The following RTL4 variants were observed in gnomAD, a reference collection of about 807,000 sequenced individuals.
The protein encoded by RTL4 is retrotransposon Gag like 4, also known as retrotransposon Gag-like protein 4.
A neutral mutation model predicts 5.3 loss-of-function variants in RTL4; 4 were observed. The ratio of observed to expected loss-of-function variants is 0.75; its 90% CI spans 0.37 to 1.72. The LOEUF is 1.72. Ranked by LOEUF, RTL4 falls within the 40% of genes most tolerant of loss-of-function variation. The pLI is 0.04. For synonymous variants in RTL4, 98 were observed against 87.3 expected (o/e 1.12, Z -0.68); for missense variants, 260 against 227.1 (o/e 1.14, Z -0.93).
At chrX:112,251,909 T>C in the RTL4 span, among the ~76,000 whole-genome samples, 11 of 111,982 alleles carry the variant, frequency 9.8e-5, no homozygotes, top group Admixed American at 1.0e-3. Context: ...TTGATGGCGT[T>C]GTAGCCATTC....
At chrX:112,283,127 T>C in the RTL4 span, among the ~76,000 whole-genome samples, 1 of 111,661 alleles carries the variant, frequency 9.0e-6, no homozygotes, top group African/African-American at 3.3e-5. Context: ...AAATCTGTTT[T>C]GGGTCCTAGA....
At chrX:112,092,745 T>A in the RTL4 span, among the ~76,000 whole-genome samples, 15 of 110,840 alleles carry the variant, frequency 1.4e-4, no homozygotes, top group South Asian at 3.9e-4. Flanking sequence ...TCTCATGAGA[T>A]CTGATGGTTT....
chrX:112,406,422 G>A, the RTL4 span, among the ~76,000 whole-genome samples: 2 of 110,575 alleles, frequency 1.8e-5, no homozygotes, highest in East Asian at 2.9e-4. Context: ...AAGAGAGAGC[G>A]AGGGGAGAGG....
At chrX:112,389,337 A>C in the RTL4 span, among the ~76,000 whole-genome samples, 1 of 109,353 alleles carries the variant, frequency 9.1e-6, no homozygotes, top group Non-Finnish European at 1.9e-5. Context: ...TTTCTCAAAA[A>C]AAAAAAAAAC....
chrX:112,323,159 T>C, the RTL4 span, among the ~76,000 whole-genome samples: 1 of 112,365 alleles, frequency 8.9e-6, no homozygotes, highest in East Asian at 2.8e-4. Flanking sequence ...CAGCAATGTA[T>C]GGGTGTTATT....
the RTL4 span, among the ~76,000 whole-genome samples, chrX:112,175,453 A>G: frequency 9.1e-6 from 1 of 110,300 alleles, no homozygotes; most frequent in Non-Finnish European, 1.9e-5. Flanking sequence ...CTGTGTTTGT[A>G]CCAGTACCAT....
At chrX:112,093,524 C>T in the RTL4 span, among the ~76,000 whole-genome samples, 2 of 111,541 alleles carry the variant, frequency 1.8e-5, no homozygotes, top group Non-Finnish European at 3.8e-5. Flanking sequence ...TTCTTCCTTC[C>T]CCAAATATTT....
the RTL4 span, among the ~76,000 whole-genome samples, chrX:112,229,514 T>A: frequency 8.9e-6 from 1 of 111,828 alleles, no homozygotes; most frequent in African/African-American, 3.2e-5. Flanking sequence ...GTGATAAGGA[T>A]TTTGCCGTAT....
At chrX:112,212,169 G>A in the RTL4 span, among the ~76,000 whole-genome samples, 1 of 111,917 alleles carries the variant, frequency 8.9e-6, no homozygotes, top group African/African-American at 3.2e-5. Flanking sequence ...GAGGTCGGGA[G>A]ATCAAGACCA....
chrX:112,305,716 A>T, the RTL4 span, among the ~76,000 whole-genome samples: 1 of 112,236 alleles, frequency 8.9e-6, no homozygotes, highest in Admixed American at 9.5e-5. Context: ...ACAGCTCAGC[A>T]GGAAGAGAAG....
the RTL4 span, among the ~76,000 whole-genome samples, chrX:112,293,313 A>G: frequency 1.8e-5 from 2 of 112,325 alleles, no homozygotes; most frequent in African/African-American, 6.5e-5. Context: ...CACTCATTCC[A>G]TTAATAGACA....
the RTL4 span, among the ~76,000 whole-genome samples, chrX:112,308,522 G>T: frequency 9.0e-6 from 1 of 111,424 alleles, no homozygotes; most frequent in Non-Finnish European, 1.9e-5. Context: ...TAAAAGGATG[G>T]TAGTCAGGGA....
the RTL4 span, among the ~76,000 whole-genome samples, chrX:112,397,047 C>T: frequency 9.0e-6 from 1 of 111,632 alleles, no homozygotes; most frequent in Non-Finnish European, 1.9e-5. Context: ...GTTATTCTAC[C>T]ACCTCTACTC....
upstream of RTL4, among the ~76,000 whole-genome samples, chrX:112,452,645 T>C (rs1447822147): frequency 1.8e-5 from 2 of 111,600 alleles, no homozygotes; most frequent in Non-Finnish European, 3.8e-5. Context: ...TTCATCTACA[T>C]TGGAAATATT....
the RTL4 span, among the ~76,000 whole-genome samples, chrX:112,315,397 C>T: frequency 9.0e-5 from 10 of 111,225 alleles, no homozygotes; most frequent in Middle Eastern, 4.6e-3. Flanking sequence ...ACCTCCCCCA[C>T]GCTACTCCCA....
chrX:112,347,414 G>C, the RTL4 span, among the ~76,000 whole-genome samples: 1 of 111,431 alleles, frequency 9.0e-6, no homozygotes, highest in Non-Finnish European at 1.9e-5. Flanking sequence ...GTTTTGAAAG[G>C]ATAAGAATGG....
At chrX:112,138,773 G>A in the RTL4 span, among the ~76,000 whole-genome samples, 2 of 111,110 alleles carry the variant, frequency 1.8e-5, no homozygotes, top group Non-Finnish European at 1.9e-5. Flanking sequence ...AATAACTTCC[G>A]AGAAAAGAGT....
the RTL4 span, among the ~76,000 whole-genome samples, chrX:112,187,902 A>G: frequency 1.8e-5 from 2 of 111,752 alleles, no homozygotes; most frequent in Non-Finnish European, 3.8e-5. Flanking sequence ...ATTTAATATC[A>G]ATGATCTTTG....
chrX:112,090,372 CTG>C, the RTL4 span, among the ~76,000 whole-genome samples: 136 of 111,119 alleles, frequency 1.2e-3, no homozygotes, highest in African/African-American at 3.8e-3. Flanking sequence ...ATGATGTTAA[CTG>C]TGGGTTTTTA....
Sources: gnomAD v4.1 joint callset for allele counts (sites outside exome capture counted in the v4.1 genomes callset) on GRCh38, gnomAD v4.1.1 for gene constraint, MANE v1.5 for transcripts, NCBI Gene and HGNC (gene_info 2026-07-23, HGNC 2026-07-21) for gene names.